Variants in FHIT observed in about 807,000 individuals in gnomAD.
FHIT encodes bis(5'-adenosyl)-triphosphatase.
FHIT carries 19 observed loss-of-function variants against 17.9 expected under a neutral mutation model. The observed-to-expected ratio is 1.06, with a 90% CI of 0.74 to 1.56. FHIT has a LOEUF of 1.56. Ranked by LOEUF, FHIT falls within the 40% of genes most tolerant of loss-of-function variation. FHIT has a pLI of 0.00. For synonymous variants in FHIT, 81 were observed against 69.7 expected (o/e 1.16, Z -0.81); for missense variants, 248 against 189.2 (o/e 1.31, Z -1.82).
intron 5 of FHIT, among the ~76,000 whole-genome samples, chr3:60,335,625 G>A (rs755714961): frequency 3.3e-5 from 5 of 152,128 alleles, no homozygotes; most frequent in Admixed American, 1.3e-4. Flanking sequence ...AGCCCAAATC[G>A]GGTGCTGTGT....
chr3:60,939,172 T>A (rs1271745414), intron 3 of FHIT, among the ~76,000 whole-genome samples: 1 of 152,230 alleles, frequency 6.6e-6, no homozygotes, highest in Non-Finnish European at 1.5e-5. Flanking sequence ...TTGAATTAAC[T>A]AGGGCTCATA....
In FHIT at chr3:59,819,781, A is replaced by G. The variant is rs948291484; in HGVS notation, c.349-67460T>C. Among the ~76,000 whole-genome samples the G allele has an allele frequency of 2.0e-5, 3 of 152,214 alleles. No individual in the cohort carries two copies. In the South Asian group the frequency reaches 6.2e-4, roughly 32 times the overall value. ...GTCTGAATGTATCTCTTCAAAATTC[A>G]TGTTGGAACTTAAGACCCAATGTGA... On this transcript the variant is annotated intron_variant, in intron 8 of 9. Transcript: ENST00000492590.
intron 8 of FHIT, among the ~76,000 whole-genome samples, chr3:59,828,637 T>G (rs1701057182): frequency 6.6e-6 from 1 of 152,198 alleles, no homozygotes; most frequent in African/African-American, 2.4e-5. Flanking sequence ...CCAAATTACA[T>G]TAAATCTTTG....
At position 60,185,335 on chromosome 3, in the gene FHIT, G is replaced by T. The variant is rs192583147; in HGVS notation, c.104-171183C>A. On this transcript the variant is annotated intron_variant, in intron 5 of 9. Transcript: ENST00000492590. ...CAATGATTTGTTTACCATCTCCATGGTTTTGTCTTTACCAGAAAGTTAATA... is the reference window on the plus strand; with the variant it reads ...CAATGATTTGTTTACCATCTCCATGTTTTTGTCTTTACCAGAAAGTTAATA... 5.9e-5 allele frequency among the ~76,000 whole-genome samples: 9 copies of T among 152,168 alleles called. No individual in the cohort carries two copies. The East Asian group carries it at 1.7e-3, about 29-fold the overall frequency.
At chr3:60,291,884 G>C (rs993644637) in intron 5 of FHIT, among the ~76,000 whole-genome samples, 3 of 152,102 alleles carry the variant, frequency 2.0e-5, no homozygotes, top group Non-Finnish European at 2.9e-5. Context: ...CTAGAAGCTC[G>C]AAGAGGCAAG....
intron 4 of FHIT, among the ~76,000 whole-genome samples, chr3:60,785,894 A>AAAACAC (rs782044415): frequency 0.011 from 794 of 70,242 alleles, 8 homozygotes; most frequent in South Asian, 0.04. Context: ...CAACAAACAG[A>AAAACAC]AGACACACAC....
At chr3:61,053,096 G>A (rs1157294269) in intron 2 of FHIT, among the ~76,000 whole-genome samples, 1 of 152,118 alleles carries the variant, frequency 6.6e-6, no homozygotes, top group East Asian at 1.9e-4. Context: ...AGAAGCACCA[G>A]GTGCCCCCGC....
intron 4 of FHIT, among the ~76,000 whole-genome samples, chr3:60,703,947 A>G (rs994141728): frequency 6.6e-6 from 1 of 152,158 alleles, no homozygotes; most frequent in African/African-American, 2.4e-5. Flanking sequence ...TTTTCTAAAG[A>G]ATCATCATTT....
At chr3:59,933,241 C>G (rs1280319502) in intron 7 of FHIT, among the ~76,000 whole-genome samples, 1 of 152,118 alleles carries the variant, frequency 6.6e-6, no homozygotes, top group African/African-American at 2.4e-5. Context: ...CTCTTCTTCT[C>G]TATAAAGAGA....
chr3:59,996,660 G>A (rs1188136221), intron 7 of FHIT, among the ~76,000 whole-genome samples: 1 of 152,034 alleles, frequency 6.6e-6, no homozygotes, highest in Non-Finnish European at 1.5e-5. Flanking sequence ...TATGCCTACT[G>A]AAAGAAAAAT....
chr3:60,178,733 T>C (rs570329314), intron 5 of FHIT, among the ~76,000 whole-genome samples: 90 of 152,280 alleles, frequency 5.9e-4, no homozygotes, highest in Middle Eastern at 6.8e-3. Flanking sequence ...AGCAATCTGA[T>C]CCCATGTGAT....
intron 5 of FHIT, among the ~76,000 whole-genome samples, chr3:60,347,792 C>T (rs1373365474): frequency 1.3e-5 from 2 of 151,218 alleles, no homozygotes; most frequent in Non-Finnish European, 2.9e-5. Flanking sequence ...AAGTCTCGCT[C>T]TTGTTGCCCA....
intron 4 of FHIT, among the ~76,000 whole-genome samples, chr3:60,595,810 AT>A (rs201417447): frequency 2.0e-5 from 3 of 151,316 alleles, no homozygotes; most frequent in African/African-American, 4.8e-5. Flanking sequence ...TGCCTGGCTA[AT>A]TTTTTTTTAA....
chr3:61,234,879 T>A (rs2040191304), intron 1 of FHIT, among the ~76,000 whole-genome samples: 1 of 152,208 alleles, frequency 6.6e-6, no homozygotes, highest in Admixed American at 6.5e-5. Context: ...TAAGCTAAGC[T>A]ACAGAAAATG....
At chr3:60,695,053 A>G (rs563297072) in intron 4 of FHIT, among the ~76,000 whole-genome samples, 1 of 152,156 alleles carries the variant, frequency 6.6e-6, no homozygotes, top group South Asian at 2.1e-4. Flanking sequence ...CTAGAACTTA[A>G]AGTATAATAA....
chr3:60,039,060 TGGCTTCTATA>T (rs1325623065), intron 5 of FHIT, among the ~76,000 whole-genome samples: 2 of 152,164 alleles, frequency 1.3e-5, no homozygotes, highest in African/African-American at 4.8e-5. Context: ...GCCATCTCAG[TGGCTTCTATA>T]TGTATGCCTG....
intron 5 of FHIT, among the ~76,000 whole-genome samples, chr3:60,275,073 T>A (rs1303566033): frequency 6.6e-5 from 10 of 152,158 alleles, no homozygotes; most frequent in Admixed American, 6.5e-4. Flanking sequence ...AGACTCCTTA[T>A]GGCTATATTT....
At chr3:60,518,058 A>G (rs558067027) in intron 5 of FHIT, among the ~76,000 whole-genome samples, 1 of 152,336 alleles carries the variant, frequency 6.6e-6, no homozygotes, top group East Asian at 1.9e-4. Context: ...AAGAAAACTC[A>G]TTCAAAAAAA....
chr3:60,763,913 A>G (rs1217384149), intron 4 of FHIT, among the ~76,000 whole-genome samples: 3 of 152,184 alleles, frequency 2.0e-5, no homozygotes, highest in African/African-American at 7.2e-5. Flanking sequence ...TTCTGTAAAA[A>G]GTTGTGTTCA....
Sources: allele counts gnomAD v4.1 joint callset (sites outside exome capture counted in the v4.1 genomes callset), GRCh38; gene constraint gnomAD v4.1.1; transcripts MANE v1.5; gene names NCBI Gene and HGNC (gene_info 2026-07-23, HGNC 2026-07-21).